VANGL2: variants seen among roughly 807,000 people sequenced by gnomAD.
The protein encoded by VANGL2 is VANGL planar cell polarity protein 2, also known as vang-like protein 2.
A neutral mutation model predicts 50.2 loss-of-function variants in VANGL2; 14 were observed. The observed-to-expected ratio is 0.28, with a 90% CI of 0.18 to 0.44. The LOEUF (loss-of-function observed/expected upper bound fraction) is 0.44, where lower values mean the gene tolerates loss of function less well. Ranked by LOEUF, VANGL2 falls within the 20% of genes least tolerant of loss-of-function variation. VANGL2 has a pLI of 1.00. For synonymous variants in VANGL2, 295 were observed against 297.2 expected (o/e 0.99, Z 0.08); for missense variants, 533 against 701.5 (o/e 0.76, Z 2.71).
chr1:160,419,191 C>T lies in VANGL2; in HGVS notation c.382C>T (p.Leu128=), dbSNP rs752999206. The change falls in exon 4 of 8, where the codon CTG becomes TTG. Residue 128 remains leucine, a synonymous_variant. Coordinates refer to ENST00000368061, the MANE Select transcript of VANGL2 (RefSeq NM_020335.3). This position sits in a 1 kb window ranked among gnomAD's most constrained non-coding sequence, Gnocchi z 5.8. ...LSFLTPLAFL[L]LPPLLWREEL... ...TTTCCTCACGCCTCTGGCCTTCCTG[C>T]TGCTGCCCCCACTGCTGTGGCGGGA... The T allele has an allele frequency of 1.2e-6, 2 of 1,613,524 alleles. No homozygotes were observed. The highest frequency in any genetic ancestry group is 1.1e-5 in the South Asian group (1 of 91,084).
Position 160,425,467 on chromosome 1 carries a change from C to A in VANGL2, c.*89C>A. On this transcript the variant is annotated 3_prime_UTR_variant, in exon 8 of 8. Transcript: ENST00000368061. ...TTCTCAGGCCCAGCCACATTCCTGC[C>A]ACCCTTCTTCTTCTTGCTCTTTTTT... The A allele has an allele frequency of 2.0e-6, 2 of 1,024,496 alleles. No individual in the cohort carries two copies. Among genetic ancestry groups the A allele is most frequent in the Non-Finnish European group, 2.7e-6 (2 of 734,912 alleles). The allele number at this position is 1,024,496 out of a possible 1,614,324, so 63.5% of individuals were successfully genotyped here. A position where few individuals can be genotyped will look rare whatever the true frequency, so the allele number is the denominator to read the frequency against.
intron 1 of VANGL2, among the ~76,000 whole-genome samples, chr1:160,404,243 C>T (rs1650579245): frequency 6.6e-6 from 1 of 152,058 alleles, no homozygotes; most frequent in Admixed American, 6.5e-5. Flanking sequence ...GATGTTTTCC[C>T]AGGGGAGACA....
At chr1:160,412,694 T>A (rs1650923003) in intron 1 of VANGL2, among the ~76,000 whole-genome samples, 1 of 152,160 alleles carries the variant, frequency 6.6e-6, no homozygotes, top group South Asian at 2.1e-4. Context: ...ATATAACTAA[T>A]CCTATGGAGG....
intron 1 of VANGL2, among the ~76,000 whole-genome samples, chr1:160,404,561 G>A (rs1476840490): frequency 2.0e-5 from 3 of 152,010 alleles, no homozygotes; most frequent in South Asian, 2.1e-4. Context: ...CACAATTGTC[G>A]CCATTTCCCC....
intron 3 of VANGL2, among the ~76,000 whole-genome samples, chr1:160,418,087 G>T (rs543893195): frequency 2.9e-4 from 44 of 151,854 alleles, no homozygotes; most frequent in African/African-American, 8.7e-4. Flanking sequence ...AATTTTTTGT[G>T]TGTGTGTGTT....
Position 160,415,646 on chromosome 1 carries a change from A to G in VANGL2, c.-190-2A>G, listed in dbSNP as rs1304129708. On this transcript the variant is annotated splice_acceptor_variant, in intron 1 of 7. Transcript: ENST00000368061. LOFTEE classifies it low-confidence loss of function (5UTR_SPLICE). The stretch of plus-strand genomic sequence containing the variant: ...CTCTAACTAGCTTCTTCCTCTCACC[A>G]GGAGCGTCGCTGGATTTTCTCTGAG... 3.0e-6 allele frequency: 2 copies of G among 656,970 alleles called. No homozygotes were observed. Among genetic ancestry groups the G allele is most frequent in the East Asian group, 2.8e-5 (1 of 36,068 alleles). 40.7% of individuals were successfully genotyped at this position (656,970 alleles called of 1,614,324 possible).
In VANGL2 at chr1:160,400,732, C is replaced by CA. The variant is rs1045167185; in HGVS notation, c.-328_-327insA. ...GCAGGGGGTGACCAGACTCAAGAAC[C>CA]CCCCCCTCAACATCCCCCATCGCGC... On this transcript the variant is annotated 5_prime_UTR_variant, in exon 1 of 8. Transcript: ENST00000368061. 1 of 151,950 alleles carries CA rather than the reference C, an allele frequency of 6.6e-6. No individual in the cohort carries two copies. Among genetic ancestry groups the CA allele is most frequent in the Non-Finnish European group, 1.5e-5 (1 of 68,202 alleles). The allele number at this position is 151,950 out of a possible 1,614,324, so 9.4% of individuals were successfully genotyped here. A position where few individuals can be genotyped will look rare whatever the true frequency, so the allele number is the denominator to read the frequency against.
intron 1 of VANGL2, among the ~76,000 whole-genome samples, chr1:160,403,402 C>T (rs986707824): frequency 2.0e-5 from 3 of 152,186 alleles, no homozygotes; most frequent in South Asian, 2.1e-4. Context: ...TCAGTGGCCA[C>T]GTTGGCCCCT....
intron 1 of VANGL2, among the ~76,000 whole-genome samples, chr1:160,413,432 A>G (rs1650949188): frequency 6.6e-6 from 1 of 151,990 alleles, no homozygotes; most frequent in East Asian, 1.9e-4. Flanking sequence ...GGCACCTGCC[A>G]CCATGCTTTT....
chr1:160,417,908 A>T (rs1420690250), intron 3 of VANGL2, among the ~76,000 whole-genome samples: 2 of 130,154 alleles, frequency 1.5e-5, no homozygotes, highest in Admixed American at 7.9e-5. Context: ...GACTTCCATA[A>T]TTTTTTTTTT....
At chr1:160,411,937 T>C (rs2101955665) in intron 1 of VANGL2, among the ~76,000 whole-genome samples, 1 of 152,318 alleles carries the variant, frequency 6.6e-6, no homozygotes, top group East Asian at 1.9e-4. Context: ...TTATACCACC[T>C]CTTTCCCTAG....
chr1:160,427,707 C>T lies in VANGL2; in HGVS notation c.*2329C>T, dbSNP rs1488207963. The T allele has an allele frequency of 6.6e-6, 1 of 152,496 alleles. No individual in the cohort carries two copies. The highest frequency in any genetic ancestry group is 6.5e-5 in the Admixed American group (1 of 15,268). 9.4% of individuals were successfully genotyped at this position (152,496 alleles called of 1,614,324 possible). ...ACTGCTGTGGGGTGTGCAGCTGACT[C>T]AGTCCCTCTGAGCAGTTTCCCCACT... On this transcript the variant is annotated 3_prime_UTR_variant, in exon 8 of 8. Transcript: ENST00000368061.
rs749824972 is a variant in VANGL2, at chr1:160,419,570, C to A, written c.761C>A (p.Thr254Asn). ...TTCACGCTCAAGGTCGTGCGCTCCA[C>A]CGACGGCGCCAGCCGCTTCTACAAC... ...PQFTLKVVRSTDGASRFYNVG... is the reference protein window; with the variant it reads ...PQFTLKVVRSNDGASRFYNVG... The change falls in exon 4 of 8, where the codon ACC becomes AAC. Residue 254 changes from threonine to asparagine, a missense_variant. By Grantham distance (65) the Thr-to-Asn change is moderately conservative. Coordinates refer to ENST00000368061, the MANE Select transcript of VANGL2 (RefSeq NM_020335.3). This position sits in a 1 kb window ranked among gnomAD's most constrained non-coding sequence, Gnocchi z 5.8. 10 of 1,599,564 alleles carry A rather than the reference C, an allele frequency of 6.3e-6. No individual in the cohort carries two copies. Among genetic ancestry groups the A allele is most frequent in the Non-Finnish European group, 8.5e-6 (10 of 1,179,760 alleles).
chr1:160,418,920 C>T (rs1046527971), intron 3 of VANGL2, 82 bp from the exon 4 acceptor site: 13 of 1,520,256 alleles, frequency 8.6e-6, no homozygotes, highest in Non-Finnish European at 1.1e-5. Flanking sequence ...CTCCTGTCCC[C>T]TCACCCTTTC....
intron 1 of VANGL2, among the ~76,000 whole-genome samples, chr1:160,410,254 C>A (rs1164423184): frequency 6.6e-6 from 1 of 152,168 alleles, no homozygotes; most frequent in Non-Finnish European, 1.5e-5. Context: ...AAAAATCAAA[C>A]CCAAGCACCC....
At chr1:160,425,044 A>C in intron 7 of VANGL2, 74 bp from the exon 8 acceptor site, 1 of 1,610,178 alleles carries the variant, frequency 6.2e-7, no homozygotes. Context: ...TGTCTTTGGA[A>C]ACTATGACCT....
chr1:160,410,911 G>T (rs550156122), intron 1 of VANGL2, among the ~76,000 whole-genome samples: 1 of 152,064 alleles, frequency 6.6e-6, no homozygotes, highest in Admixed American at 6.5e-5. Context: ...TGGATGCTGG[G>T]TATGGGTTCC....
In VANGL2 at chr1:160,419,165, C is replaced by T; in HGVS notation, c.356C>T (p.Ser119Phe). 6.2e-7 allele frequency: 1 copy of T among 1,614,054 alleles called. No individual in the cohort carries two copies. The highest frequency in any genetic ancestry group is 8.5e-7 in the Non-Finnish European group (1 of 1,180,022). The change falls in exon 4 of 8, where the codon TCT becomes TTT. Residue 119 changes from serine to phenylalanine, a missense_variant. By Grantham distance (155) the Ser-to-Phe change is radical (BLOSUM62 -2). Transcript: ENST00000368061. The surrounding 1 kb of genome is among the most constrained non-coding windows in gnomAD (Gnocchi z 5.8). The stretch of plus-strand genomic sequence containing the variant: ...GCGGGGGCCACCCTGGCACTGCTGT[C>T]TTTCCTCACGCCTCTGGCCTTCCTG... ...VAAGATLALL[S>F]FLTPLAFLLL...
intron 3 of VANGL2, among the ~76,000 whole-genome samples, chr1:160,417,269 C>T (rs1013333495): frequency 1.3e-5 from 2 of 152,306 alleles, no homozygotes; most frequent in Middle Eastern, 3.4e-3. Flanking sequence ...CTGGTGCTGT[C>T]GGGCTGCCTT....
Sources: gnomAD v4.1 joint callset for allele counts (sites outside exome capture counted in the v4.1 genomes callset) on GRCh38, gnomAD v4.1.1 for gene constraint, Gnocchi (gnomAD v3.1) non-coding constraint, MANE v1.5 for transcripts, NCBI Gene and HGNC (gene_info 2026-07-23, HGNC 2026-07-21) for gene names.